The following SGF29 variants were observed in gnomAD, a reference collection of about 807,000 sequenced individuals.
SGF29 encodes SAGA-associated factor 29.
In SGF29, 15 loss-of-function variants were observed where a neutral mutation model predicts 38.1. The observed-to-expected ratio is 0.39, with a 90% CI of 0.26 to 0.61. The LOEUF is 0.61. SGF29 is among the 20% of genes least tolerant of loss of function. The pLI is 0.49. For missense variants in SGF29, 184 were observed against 394.6 expected (o/e 0.47, Z 4.52); for synonymous variants, 151 against 160.8 (o/e 0.94, Z 0.46).
chr16:28,573,416 G>T (rs771971010), intron 1 of SGF29, among the ~76,000 whole-genome samples: 7 of 152,184 alleles, frequency 4.6e-5, no homozygotes, highest in Non-Finnish European at 8.8e-5. Flanking sequence ...CTCTTGATGA[G>T]AGACTGATGA....
At position 28,557,649 on chromosome 16, in the gene SGF29, C is replaced by T. The variant is rs189423560; in HGVS notation, c.-16+3552C>T. ...GCATTGAGAATTGGGGGGACATGCT[C>T]GTGGGACTGAGCCCTCAACCTGTGG... On this transcript the variant is annotated intron_variant, in intron 1 of 9. Transcript: ENST00000317058. 7.8e-3 allele frequency among the ~76,000 whole-genome samples: 1,191 copies of T among 152,170 alleles called. 14 individuals carry two copies. The highest frequency in any genetic ancestry group is 0.027 in the African/African-American group (1,126 of 41,536).
At chr16:28,575,048 A>G (rs1567289362) in intron 1 of SGF29, among the ~76,000 whole-genome samples, 2 of 152,134 alleles carry the variant, frequency 1.3e-5, no homozygotes. Flanking sequence ...AAATCCTGCC[A>G]TGGGGTCACA....
chr16:28,573,353 C>T (rs2046876616), intron 1 of SGF29, among the ~76,000 whole-genome samples: 1 of 152,110 alleles, frequency 6.6e-6, no homozygotes, highest in South Asian at 2.1e-4. Flanking sequence ...CAGTAGGCCA[C>T]ATCGGAAGCA....
intron 4 of SGF29, chr16:28,588,771 A>G (rs1211606094): frequency 2.9e-6 from 1 of 350,666 alleles, no homozygotes; most frequent in Admixed American, 4.0e-5. Flanking sequence ...GGGTTTCACC[A>G]TATTGGTCAG....
At chr16:28,576,166 A>G (rs1416439688) in intron 1 of SGF29, among the ~76,000 whole-genome samples, 1 of 152,202 alleles carries the variant, frequency 6.6e-6, no homozygotes, top group Non-Finnish European at 1.5e-5. Flanking sequence ...AATACGTTAA[A>G]AAAAACACAT....
chr16:28,557,028 C>G (rs2046757130), intron 1 of SGF29, among the ~76,000 whole-genome samples: 1 of 152,114 alleles, frequency 6.6e-6, no homozygotes, highest in South Asian at 2.1e-4. Flanking sequence ...CCCTTTGACC[C>G]AGAACAAAGC....
chr16:28,556,125 C>A (rs1378402771), intron 1 of SGF29, among the ~76,000 whole-genome samples: 1 of 152,116 alleles, frequency 6.6e-6, no homozygotes, highest in Admixed American at 6.6e-5. Context: ...AAAAAATTGT[C>A]TTCTTAATGT....
At chr16:28,585,617 C>T in intron 3 of SGF29, 31 bp from the exon 4 acceptor site, 2 of 1,603,664 alleles carry the variant, frequency 1.2e-6, no homozygotes, top group Non-Finnish European at 1.7e-6. Flanking sequence ...TGCCCTGGCC[C>T]TGCCTCCTTA....
At chr16:28,570,660 C>T (rs1422346826) in intron 1 of SGF29, among the ~76,000 whole-genome samples, 1 of 151,518 alleles carries the variant, frequency 6.6e-6, no homozygotes, top group African/African-American at 2.4e-5. Context: ...CTCACTGCAA[C>T]CTCTGCCTCC....
intron 2 of SGF29, among the ~76,000 whole-genome samples, chr16:28,581,831 A>T (rs2046927787): frequency 6.6e-6 from 1 of 151,714 alleles, no homozygotes; most frequent in South Asian, 2.1e-4. Context: ...AGGCAGGAGA[A>T]TCACTTGAAC....
At chr16:28,559,382 TTTGTTG>T (rs143405210) in intron 1 of SGF29, among the ~76,000 whole-genome samples, 3 of 151,734 alleles carry the variant, frequency 2.0e-5, no homozygotes, top group African/African-American at 4.8e-5. Context: ...TTAAGCTGTT[TTTGTTG>T]TTGTTGTTGT....
At chr16:28,562,161 T>G (rs1240911805) in intron 1 of SGF29, among the ~76,000 whole-genome samples, 1 of 152,188 alleles carries the variant, frequency 6.6e-6, no homozygotes, top group African/African-American at 2.4e-5. Context: ...ATTGGCTCTT[T>G]TGCTCAGTGT....
intron 4 of SGF29, among the ~76,000 whole-genome samples, chr16:28,588,174 G>T (rs1339719103): frequency 6.6e-6 from 1 of 152,134 alleles, no homozygotes; most frequent in African/African-American, 2.4e-5. Context: ...CAAGTTCTGT[G>T]TTTGCTTCTG....
At position 28,564,671 on chromosome 16, in the gene SGF29, ATATGTATATATATG is replaced by A. The variant is rs1326921020; in HGVS notation, c.-16+10576_-16+10589del. On this transcript the variant is annotated intron_variant, in intron 1 of 9. Transcript: ENST00000317058. ...TATATATACGTATATATATGCATATATATGTATATATATGTGTATATATATGTATATATATACAT... is the reference window on the plus strand; with the variant it reads ...TATATATACGTATATATATGCATATATGTATATATATGTATATATATACAT... Among the ~76,000 whole-genome samples the A allele has an allele frequency of 8.6e-3, 812 of 94,960 alleles. 25 individuals are homozygous for A. Among genetic ancestry groups the A allele is most frequent in the African/African-American group, 0.029 (714 of 24,722 alleles). 62.3% of individuals were successfully genotyped at this position (94,960 alleles called of 152,430 possible). A position where few individuals can be genotyped will look rare whatever the true frequency, so the allele number is the denominator to read the frequency against.
At chr16:28,582,642 T>C (rs2046932827) in intron 2 of SGF29, among the ~76,000 whole-genome samples, 1 of 152,064 alleles carries the variant, frequency 6.6e-6, no homozygotes, top group African/African-American at 2.4e-5. Context: ...TAAAATACAT[T>C]GTAAAATAAA....
intron 2 of SGF29, among the ~76,000 whole-genome samples, chr16:28,581,905 C>T (rs1372037898): frequency 1.4e-5 from 2 of 144,852 alleles, no homozygotes; most frequent in East Asian, 4.0e-4. Flanking sequence ...GGTGACAAAG[C>T]AAGACTCCAT....
intron 1 of SGF29, among the ~76,000 whole-genome samples, chr16:28,557,965 GTTTTTT>G (rs753237384): frequency 3.0e-5 from 2 of 65,616 alleles, no homozygotes; most frequent in Non-Finnish European, 5.7e-5. Flanking sequence ...TTCTTTCTCT[GTTTTTT>G]TTTTTTTTTT....
Position 28,577,002 on chromosome 16 carries a change from C to T in SGF29, c.-15-4053C>T, listed in dbSNP as rs74690507. Among the ~76,000 whole-genome samples the T allele has an allele frequency of 1.3e-4, 20 of 152,122 alleles. No homozygotes were observed. In the East Asian group the frequency reaches 3.3e-3, roughly 25 times the overall value. On this transcript the variant is annotated intron_variant, in intron 1 of 9. Coordinates refer to ENST00000317058, the MANE Select transcript of SGF29 (RefSeq NM_138414.3). ...CGGCCTGGCTAACATGTCGAAACCC[C>T]GTCTCTACTAAGAATACAGAAATTA... is the stretch of plus-strand genomic sequence containing the variant.
At chr16:28,562,182 C>T (rs1029044174) in intron 1 of SGF29, among the ~76,000 whole-genome samples, 40 of 152,110 alleles carry the variant, frequency 2.6e-4, no homozygotes, top group African/African-American at 9.7e-4. Flanking sequence ...AACAGCAGAC[C>T]CCTGGCCTCC....
Sources: gnomAD v4.1 joint callset for allele counts (sites outside exome capture counted in the v4.1 genomes callset) on GRCh38, gnomAD v4.1.1 for gene constraint, MANE v1.5 for transcripts, NCBI Gene and HGNC (gene_info 2026-07-23, HGNC 2026-07-21) for gene names.